The following HDGFL2 variants were observed in gnomAD, a reference collection of about 807,000 sequenced individuals.
The protein encoded by HDGFL2 is hepatoma-derived growth factor-related protein 2.
Under a neutral mutation model 77.1 loss-of-function variants are expected in HDGFL2, and 36 were observed. The observed-to-expected ratio is 0.47, with a 90% CI of 0.36 to 0.62. The LOEUF is 0.62. Ranked by LOEUF, HDGFL2 falls within the 20% of genes least tolerant of loss-of-function variation. The probability of loss-of-function intolerance (pLI) is 0.00; values close to 1 mark genes in which losing one functional copy is unlikely to be tolerated. For synonymous variants in HDGFL2, 463 were observed against 413.1 expected, an observed-to-expected ratio of 1.12 and a Z score of -1.46; for missense variants, 976 against 973.4, an observed-to-expected ratio of 1.00 and a Z score of -0.04.
chr19:4,492,818 GTCTGTGTGTGTTA>G (rs1188730021), intron 6 of HDGFL2, among the ~76,000 whole-genome samples: 1 of 129,392 alleles, frequency 7.7e-6, no homozygotes, highest in Non-Finnish European at 1.7e-5. Flanking sequence ...GTTATGTGTG[GTCTGTGTGTGTTA>G]TCTGTGTGGT....
chr19:4,482,385 T>C (rs1232702652), intron 3 of HDGFL2, among the ~76,000 whole-genome samples: 2 of 152,132 alleles, frequency 1.3e-5, no homozygotes, highest in Non-Finnish European at 2.9e-5. Flanking sequence ...AATTTTTGTA[T>C]TTTTAGTAGA....
intron 15 of HDGFL2, chr19:4,501,701 G>T: frequency 1.9e-6 from 1 of 518,524 alleles, no homozygotes; most frequent in South Asian, 3.1e-5. Context: ...CCCAGCAGCT[G>T]CCTTGTGCTA....
chr19:4,486,705 T>C (rs1282955993), intron 3 of HDGFL2, among the ~76,000 whole-genome samples: 1 of 151,898 alleles, frequency 6.6e-6, no homozygotes, highest in Non-Finnish European at 1.5e-5. Flanking sequence ...CTGGCGCTCA[T>C]ACATTTTCCT....
chr19:4,475,677 A>C, intron 3 of HDGFL2, 94 bp downstream of exon 3: 1 of 1,409,064 alleles, frequency 7.1e-7, no homozygotes, highest in Non-Finnish European at 9.4e-7. Flanking sequence ...CTGTGGACAC[A>C]TGGGGCTCGA....
At chr19:4,481,478 C>T (rs1568205960) in intron 3 of HDGFL2, among the ~76,000 whole-genome samples, 1 of 152,088 alleles carries the variant, frequency 6.6e-6, no homozygotes, top group South Asian at 2.1e-4. Context: ...GCTTGAGCCA[C>T]CGCGCCCGGC....
intron 15 of HDGFL2, 25 bp from the exon 16 acceptor site, chr19:4,501,886 A>G: frequency 7.0e-7 from 1 of 1,419,976 alleles, no homozygotes; most frequent in Non-Finnish European, 9.2e-7. Flanking sequence ...GGGCATCCTC[A>G]CACCGCCTTT....
chr19:4,496,886 G>A, intron 10 of HDGFL2: 1 of 198,990 alleles, frequency 5.0e-6, no homozygotes, highest in Non-Finnish European at 9.8e-6. Context: ...TTTTTTTTTT[G>A]AGATGGAGTC....
intron 4 of HDGFL2, among the ~76,000 whole-genome samples, chr19:4,489,941 C>T (rs1456061579): frequency 6.6e-6 from 1 of 152,154 alleles, no homozygotes; most frequent in Non-Finnish European, 1.5e-5. Context: ...CCACACATCC[C>T]CTTCCTGCCT....
chr19:4,486,198 TG>T (rs1330491993), intron 3 of HDGFL2, among the ~76,000 whole-genome samples: 1 of 152,090 alleles, frequency 6.6e-6, no homozygotes, highest in Non-Finnish European at 1.5e-5. Context: ...TGCTGCTTGG[TG>T]CCTGTGCTGG....
chr19:4,472,463 G>GGGT (rs1555684393), intron 1 of HDGFL2, 41 bp downstream of exon 1: 147 of 286,948 alleles, frequency 5.1e-4, no homozygotes, highest in Middle Eastern at 2.8e-3. Flanking sequence ...GGGGGGGGGG[G>GGGT]GGGGCAGCGG....
intron 6 of HDGFL2, among the ~76,000 whole-genome samples, chr19:4,493,156 GTGTT>G (rs1975588162): frequency 7.1e-6 from 1 of 140,462 alleles, no homozygotes; most frequent in African/African-American, 2.7e-5. Context: ...TGTGTGGTGT[GTGTT>G]GTCTGTGTGT....
In HDGFL2 at chr19:4,479,410, T is replaced by C. The variant is rs538886602; in HGVS notation, c.288+3827T>C. ...CATCCTGGCTAACTTGGTGAAACCC[T>C]GTCTCTACTAAAAAAAAAATACAGA... On this transcript the variant is annotated intron_variant, in intron 3 of 15. Transcript: ENST00000616600. Among the ~76,000 whole-genome samples the C allele has an allele frequency of 2.5e-3, 371 of 149,760 alleles. 1 individual carries two copies. Among genetic ancestry groups the C allele is most frequent in the African/African-American group, 8.7e-3 (356 of 41,118 alleles).
At chr19:4,496,144 C>G (rs1175395994) in intron 9 of HDGFL2, among the ~76,000 whole-genome samples, 158 bp from the exon 10 acceptor site, 1 of 152,176 alleles carries the variant, frequency 6.6e-6, no homozygotes, top group Non-Finnish European at 1.5e-5. Flanking sequence ...GGACCGGACA[C>G]TGGGTCCTCC....
chr19:4,484,382 C>T (rs1432262238), intron 3 of HDGFL2, among the ~76,000 whole-genome samples: 4 of 152,152 alleles, frequency 2.6e-5, no homozygotes, highest in African/African-American at 7.2e-5. Context: ...CCACGCCCGG[C>T]CTGTTTTATT....
At chr19:4,500,452 ATTTTTTTTTTTTT>A (rs67297373) in intron 14 of HDGFL2, among the ~76,000 whole-genome samples, 1 of 88,704 alleles carries the variant, frequency 1.1e-5, no homozygotes, top group African/African-American at 5.0e-5. Context: ...TGCCCTGCTA[ATTTTTTTTTTTTT>A]TTTTTTTTTT....
At position 4,498,816 on chromosome 19, in the gene HDGFL2, C is replaced by T. The variant is rs377044288; in HGVS notation, c.1476C>T (p.Asp492=). The T allele has an allele frequency of 1.9e-5, 30 of 1,603,934 alleles. No homozygotes were observed. Among genetic ancestry groups the T allele is most frequent in the African/African-American group, 1.2e-4 (9 of 74,718 alleles). Residue 492 remains aspartate, a splice_region_variant and synonymous_variant, in exon 13 of 16, where the codon GAC becomes GAT. Coordinates refer to ENST00000616600, the MANE Select transcript of HDGFL2 (RefSeq NM_001001520.3). Reference sequence around the variant, plus strand: ...CTCACTCCCACCCCACCCTGCAGGACGTGAAGAGGTGCCTGAATGCCCTAG... The same window carrying T: ...CTCACTCCCACCCCACCCTGCAGGATGTGAAGAGGTGCCTGAATGCCCTAG... ...IKFALKVDSP[D]VKRCLNALEE...
chr19:4,480,922 T>G (rs1376321173), intron 3 of HDGFL2, among the ~76,000 whole-genome samples: 1 of 150,164 alleles, frequency 6.7e-6, no homozygotes, highest in Non-Finnish European at 1.5e-5. Context: ...AGTGGCATGA[T>G]CTTGGCTCAC....
At chr19:4,477,859 A>C (rs1250600997) in intron 3 of HDGFL2, among the ~76,000 whole-genome samples, 2 of 152,020 alleles carry the variant, frequency 1.3e-5, no homozygotes, top group Non-Finnish European at 2.9e-5. Context: ...TGGCTGGTGG[A>C]TCACGAAGTC....
chr19:4,479,574 C>T (rs1021595775), intron 3 of HDGFL2, among the ~76,000 whole-genome samples: 2 of 122,174 alleles, frequency 1.6e-5, no homozygotes, highest in Non-Finnish European at 3.4e-5. Flanking sequence ...CAGCGAGATT[C>T]CATCTAAAAA....
Sources: gnomAD v4.1 joint callset for allele counts (sites outside exome capture counted in the v4.1 genomes callset) on GRCh38, gnomAD v4.1.1 for gene constraint, MANE v1.5 for transcripts, NCBI Gene and HGNC (gene_info 2026-07-23, HGNC 2026-07-21) for gene names.